GNB5: variants seen among roughly 807,000 people sequenced by gnomAD.
GNB5 encodes the protein G protein subunit beta 5, also known as guanine nucleotide-binding protein subunit beta-5.
A neutral mutation model predicts 55.3 loss-of-function variants in GNB5; 37 were observed. The observed-to-expected ratio is 0.67, with a 90% CI of 0.51 to 0.88. GNB5 has a LOEUF of 0.88. Among genes scored for constraint, GNB5 ranks in the 40% least tolerant of loss-of-function variants. The pLI, the probability that GNB5 is intolerant of heterozygous loss-of-function variation, is 0.00. For synonymous variants in GNB5, 219 were observed against 198.5 expected, an observed-to-expected ratio of 1.10 and a Z score of -0.87; for missense variants, 476 against 515.3, an observed-to-expected ratio of 0.92 and a Z score of 0.74.
At position 52,125,943 on chromosome 15, in the gene GNB5, CT is replaced by C; in HGVS notation, c.1009+4del. On this transcript the variant is annotated splice_donor_region_variant and intron_variant, in intron 11 of 12. Coordinates refer to ENST00000261837, the MANE Select transcript of GNB5 (RefSeq NM_016194.4). The stretch of plus-strand genomic sequence containing the variant: ...CTGGGAAAAGTTTCTGAAATAAAAT[CT>C]TACCACTGAGGGAGAAGTCCACGCT... The C allele has an allele frequency of 7.8e-7, 1 of 1,276,758 alleles. No individual in the cohort carries two copies. The highest frequency in any genetic ancestry group is 1.1e-6 in the Non-Finnish European group (1 of 883,918). The allele number at this position is 1,276,758 out of a possible 1,614,324, so 79.1% of individuals were successfully genotyped here. A position where few individuals can be genotyped will look rare whatever the true frequency, so the allele number is the denominator to read the frequency against.
At chr15:52,147,396 G>T in intron 6 of GNB5, 63 bp downstream of exon 6, 1 of 916,312 alleles carries the variant, frequency 1.1e-6, no homozygotes, top group Non-Finnish European at 1.8e-6. Flanking sequence ...GTTTGTTTTT[G>T]CCAAGAGAAC....
intron 3 of GNB5, among the ~76,000 whole-genome samples, chr15:52,176,529 G>A (rs892748751): frequency 3.3e-5 from 5 of 152,268 alleles, no homozygotes; most frequent in Admixed American, 6.5e-5. Flanking sequence ...GGAGCTGGGC[G>A]AGTCTGGGCT....
chr15:52,164,930 GT>G (rs2034421203), intron 3 of GNB5, among the ~76,000 whole-genome samples: 1 of 152,192 alleles, frequency 6.6e-6, no homozygotes, highest in Non-Finnish European at 1.5e-5. Context: ...AAAGGAGCAT[GT>G]TCTAACCCAA....
rs577099285 is a variant in GNB5 at position 52,132,213 on chromosome 15, A to C, written c.863+1165T>G. On this transcript the variant is annotated intron_variant, in intron 9 of 12. Transcript: ENST00000261837. ...CCTGGCTACTGCCATTGCTGTGAGT[A>C]ATAAACTGTCCTTCATCTCTGACCC... Among the ~76,000 whole-genome samples, 23 of 152,330 alleles carry C rather than the reference A, an allele frequency of 1.5e-4. No individual in the cohort carries two copies. The South Asian group carries it at 3.9e-3, about 26-fold the overall frequency.
intron 12 of GNB5, 102 bp downstream of exon 12, chr15:52,124,371 C>A: frequency 9.8e-6 from 9 of 917,100 alleles, no homozygotes; most frequent in Admixed American, 2.5e-5. Flanking sequence ...GCTGACCAGG[C>A]CCACCTGAGC....
chr15:52,129,225 G>T (rs2033513165), intron 9 of GNB5, among the ~76,000 whole-genome samples: 1 of 152,104 alleles, frequency 6.6e-6, no homozygotes, highest in African/African-American at 2.4e-5. Flanking sequence ...CAAAGTGCTG[G>T]GATTACAGGC....
At chr15:52,135,975 C>A (rs1222734227) in intron 7 of GNB5, 1 of 462,334 alleles carries the variant, frequency 2.2e-6, no homozygotes, top group Non-Finnish European at 3.7e-6. Flanking sequence ...TACACCCTCA[C>A]AGTCCTTGAG....
In GNB5 at chr15:52,141,242, G is replaced by A. The variant is rs200972385; in HGVS notation, c.525C>T (p.Pro175=). The change falls in exon 7 of 13, where the codon CCC becomes CCT. Residue 175 remains proline, a synonymous_variant. Coordinates refer to ENST00000261837, the MANE Select transcript of GNB5 (RefSeq NM_016194.4). ...GGLDNKCSVY[P]LTFDKNENMA... ...TGTTTTCATTTTTGTCAAACGTCAA[G>A]GGGTACACAGAACACTTATTATCCA... 262 of 1,613,812 alleles carry A rather than the reference G, an allele frequency of 1.6e-4. No individual in the cohort carries two copies. Among genetic ancestry groups the A allele is most frequent in the Non-Finnish European group, 2.1e-4 (248 of 1,179,762 alleles).
At chr15:52,141,839 C>T (rs1480958296) in intron 6 of GNB5, among the ~76,000 whole-genome samples, 3 of 152,228 alleles carry the variant, frequency 2.0e-5, no homozygotes, top group African/African-American at 4.8e-5. Flanking sequence ...AACAAAACCT[C>T]CATAACACCA....
At chr15:52,148,891 C>T (rs149918928) in intron 5 of GNB5, among the ~76,000 whole-genome samples, 1,713 of 152,286 alleles carry the variant, frequency 0.011, 23 homozygotes, top group African/African-American at 0.039. Context: ...TTCCCTGCCA[C>T]GGGCCACAAG....
chr15:52,174,585 C>A (rs1353298203), intron 3 of GNB5, among the ~76,000 whole-genome samples: 3 of 151,942 alleles, frequency 2.0e-5, no homozygotes, highest in Non-Finnish European at 2.9e-5. Flanking sequence ...GGGATGAGGG[C>A]CAAAGGGATG....
At chr15:52,126,985 T>C (rs2033447726) in intron 10 of GNB5, among the ~76,000 whole-genome samples, 2 of 152,174 alleles carry the variant, frequency 1.3e-5, no homozygotes, top group East Asian at 1.9e-4. Context: ...TTAGTAGAGA[T>C]GGGGTTTCAC....
intron 3 of GNB5, among the ~76,000 whole-genome samples, chr15:52,156,656 G>A (rs527517287): frequency 3.4e-4 from 51 of 152,220 alleles, no homozygotes; most frequent in African/African-American, 1.1e-3. Flanking sequence ...GCTTGAGCCC[G>A]GGGGCAAAGG....
At chr15:52,153,824 G>C (rs1714284492) in intron 4 of GNB5, 116 bp downstream of exon 4, 2 of 833,000 alleles carry the variant, frequency 2.4e-6, no homozygotes, top group Admixed American at 2.3e-5. Flanking sequence ...ACATCCTTTG[G>C]AGAATGAGCA....
intron 11 of GNB5, 168 bp from the exon 12 acceptor site, chr15:52,124,807 T>C: frequency 1.7e-6 from 1 of 596,486 alleles, no homozygotes; most frequent in South Asian, 2.0e-5. Flanking sequence ...TCCCTGTCCC[T>C]GTTGGAGGAT....
Position 52,119,737 on chromosome 15 carries a change from A to G in GNB5, c.*3020T>C, listed in dbSNP as rs1465799220. The stretch of plus-strand genomic sequence containing the variant: ...ATCATATATTCTGTGACCGTGACAG[A>G]GGTGGGTGTGAATGAAGGCCAGCCC... On this transcript the variant is annotated 3_prime_UTR_variant, in exon 13 of 13. Transcript: ENST00000261837. 2 of 152,084 alleles carry G rather than the reference A, an allele frequency of 1.3e-5. No individual in the cohort carries two copies. The highest frequency in any genetic ancestry group is 2.9e-5 in the Non-Finnish European group (2 of 68,022). The allele number at this position is 152,084 out of a possible 1,614,324, so 9.4% of individuals were successfully genotyped here. A position where few individuals can be genotyped will look rare whatever the true frequency, so the allele number is the denominator to read the frequency against.
chr15:52,190,778 T>TAAAAAAAAAAAAA (rs58614125), intron 1 of GNB5, among the ~76,000 whole-genome samples: 2 of 96,932 alleles, frequency 2.1e-5, no homozygotes, highest in African/African-American at 8.8e-5. Flanking sequence ...CTTATTTCCT[T>TAAAAAAAAAAAAA]AAAAAAAAAA....
At chr15:52,138,401 A>AAAAAAT (rs61642921) in intron 7 of GNB5, 1 of 147,418 alleles carries the variant, frequency 6.8e-6, no homozygotes, top group African/African-American at 2.6e-5. Flanking sequence ...AAAAAAAAAA[A>AAAAAAT]CTCATTTTTT....
intron 6 of GNB5, 147 bp downstream of exon 6, chr15:52,147,312 T>C: frequency 4.7e-6 from 3 of 636,838 alleles, no homozygotes; most frequent in Non-Finnish European, 8.8e-6. Flanking sequence ...TATGGTTTCT[T>C]CTTTGATCAA....
Sources: gnomAD v4.1 joint callset for allele counts (sites outside exome capture counted in the v4.1 genomes callset) on GRCh38, gnomAD v4.1.1 for gene constraint, MANE v1.5 for transcripts, NCBI Gene and HGNC (gene_info 2026-07-23, HGNC 2026-07-21) for gene names.